Variants in SEM1 observed in about 807,000 individuals in gnomAD.
SEM1 encodes SEM1 26S proteasome subunit.
A neutral mutation model predicts 12.7 loss-of-function variants in SEM1; 3 were observed. The ratio of observed to expected loss-of-function variants is 0.24; its 90% CI spans 0.11 to 0.61. The LOEUF (loss-of-function observed/expected upper bound fraction) is 0.61, where lower values mean the gene tolerates loss of function less well. Ranked by LOEUF, SEM1 falls within the 20% of genes least tolerant of loss-of-function variation. SEM1 has a pLI of 0.88. For synonymous variants in SEM1, 30 were observed against 27.8 expected, an observed-to-expected ratio of 1.08 and a Z score of -0.25; for missense variants, 59 against 81.3, an observed-to-expected ratio of 0.73 and a Z score of 1.06.
intron 2 of SEM1, among the ~76,000 whole-genome samples, chr7:96,654,562 A>C (rs1809116491): frequency 6.6e-6 from 1 of 152,192 alleles, no homozygotes; most frequent in Non-Finnish European, 1.5e-5. Context: ...CAGCCATGCC[A>C]TCAGGAGGGT....
chr7:96,524,209 C>T (rs913782686), intron 2 of SEM1, among the ~76,000 whole-genome samples: 2 of 152,160 alleles, frequency 1.3e-5, no homozygotes, highest in Non-Finnish European at 2.9e-5. Context: ...TCTACATCCG[C>T]CATTTCATAC....
At position 96,688,826 on chromosome 7, in the gene SEM1, G is replaced by A; in HGVS notation, c.*98C>T. On this transcript the variant is annotated 3_prime_UTR_variant, in exon 3 of 3. Coordinates refer to ENST00000248566, the MANE Select transcript of SEM1 (RefSeq NM_006304.2). ...ACACAAATAAATCCAAGCAGATAAT[G>A]AAATAAACACATTTTTTTAGTGTCC... is the stretch of plus-strand genomic sequence containing the variant. 1.4e-6 allele frequency: 1 copy of A among 725,652 alleles called. No homozygotes were observed. Among genetic ancestry groups the A allele is most frequent in the Non-Finnish European group, 2.4e-6 (1 of 412,846 alleles). The allele number at this position is 725,652 out of a possible 1,614,324, so 45.0% of individuals were successfully genotyped here. A position where few individuals can be genotyped will look rare whatever the true frequency, so the allele number is the denominator to read the frequency against.
intron 2 of SEM1, among the ~76,000 whole-genome samples, chr7:96,520,825 C>T (rs1039031024): frequency 5.9e-5 from 9 of 152,104 alleles, no homozygotes; most frequent in Admixed American, 5.9e-4. Flanking sequence ...CTCCCCGATG[C>T]CCAGGCTCTC....
intron 2 of SEM1, among the ~76,000 whole-genome samples, chr7:96,632,357 TG>T (rs942740889): frequency 1.6e-4 from 24 of 152,008 alleles, no homozygotes; most frequent in African/African-American, 5.8e-4. Flanking sequence ...ATATACACCA[TG>T]GAATACTATG....
At chr7:96,698,511 C>A (rs537563382) in intron 1 of SEM1, among the ~76,000 whole-genome samples, 3 of 152,164 alleles carry the variant, frequency 2.0e-5, no homozygotes, top group East Asian at 1.9e-4. Context: ...TGAGAACATG[C>A]GGTGTTAGGT....
At chr7:96,608,933 T>C (rs1185059764) in intron 2 of SEM1, among the ~76,000 whole-genome samples, 4 of 152,238 alleles carry the variant, frequency 2.6e-5, no homozygotes, top group Admixed American at 6.5e-5. Flanking sequence ...CTTGGGTATA[T>C]ACCTAAGACT....
chr7:96,656,828 T>A (rs908696555), intron 2 of SEM1, among the ~76,000 whole-genome samples: 1 of 148,002 alleles, frequency 6.8e-6, no homozygotes, highest in Non-Finnish European at 1.5e-5. Context: ...AGTTGAAGAG[T>A]GCATGTTAAA....
chr7:96,693,823 G>C (rs1402286401), intron 2 of SEM1, among the ~76,000 whole-genome samples: 1 of 148,128 alleles, frequency 6.8e-6, no homozygotes, highest in African/African-American at 2.5e-5. Flanking sequence ...CTTTTCAAAA[G>C]AATTGAAAAC....
chr7:96,510,608 A>G (rs554173868), intron 2 of SEM1, among the ~76,000 whole-genome samples: 1 of 152,180 alleles, frequency 6.6e-6, no homozygotes, highest in Non-Finnish European at 1.5e-5. Flanking sequence ...AACCTAATCT[A>G]TCTCAAAAGA....
At chr7:96,528,954 C>CA (rs762337597) in intron 2 of SEM1, among the ~76,000 whole-genome samples, 18 of 152,200 alleles carry the variant, frequency 1.2e-4, no homozygotes, top group South Asian at 1.0e-3. Context: ...AAATTTAATG[C>CA]AATTTACCCA....
At chr7:96,483,477 C>T in exon 4 of SEM1, 1 of 234,274 alleles carries the variant, frequency 4.3e-6, no homozygotes, top group South Asian at 5.4e-5. Context: ...TAGCAACAAA[C>T]CATCAAACCT....
chr7:96,531,801 T>A (rs1240084936), intron 2 of SEM1, among the ~76,000 whole-genome samples: 1 of 152,076 alleles, frequency 6.6e-6, no homozygotes, highest in Non-Finnish European at 1.5e-5. Flanking sequence ...ATTTCAGAAT[T>A]TCTATGTGCA....
intron 2 of SEM1, chr7:96,649,359 T>C (rs1235121631): frequency 6.6e-6 from 1 of 151,814 alleles, no homozygotes; most frequent in Non-Finnish European, 1.5e-5. Context: ...TCCAAAAAAA[T>C]ATTCTGTGGT....
upstream of SEM1, chr7:96,496,421 A>G: frequency 1.5e-6 from 1 of 652,462 alleles, no homozygotes; most frequent in East Asian, 2.8e-5. Context: ...AAAATAATCT[A>G]AATCTTTATA....
At chr7:96,589,214 G>T (rs1563074572) in intron 2 of SEM1, among the ~76,000 whole-genome samples, 1 of 152,142 alleles carries the variant, frequency 6.6e-6, no homozygotes, top group East Asian at 1.9e-4. Flanking sequence ...TTTAGGGTGG[G>T]GTGACTCATT....
At chr7:96,612,263 A>T (rs535055915) in intron 2 of SEM1, among the ~76,000 whole-genome samples, 318 of 152,314 alleles carry the variant, frequency 2.1e-3, no homozygotes, top group Non-Finnish European at 3.6e-3. Context: ...TGCTCCAAGG[A>T]AATGGTAAAT....
At chr7:96,660,396 G>T (rs1486777058) in intron 2 of SEM1, among the ~76,000 whole-genome samples, 12 of 152,066 alleles carry the variant, frequency 7.9e-5, no homozygotes, top group Non-Finnish European at 1.3e-4. Context: ...AGGTCAAAGA[G>T]ATTTTTAAAA....
intron 2 of SEM1, among the ~76,000 whole-genome samples, chr7:96,536,668 C>G (rs548521840): frequency 6.6e-6 from 1 of 151,692 alleles, no homozygotes; most frequent in African/African-American, 2.4e-5. Flanking sequence ...TGATGTAATG[C>G]TCCTCTTTGT....
chr7:96,549,371 T>TGACA (rs2115831449), intron 2 of SEM1, among the ~76,000 whole-genome samples: 1 of 152,328 alleles, frequency 6.6e-6, no homozygotes, highest in African/African-American at 2.4e-5. Context: ...TTGGGGCCTT[T>TGACA]GACAGACATT....
Sources: allele counts gnomAD v4.1 joint callset (sites outside exome capture counted in the v4.1 genomes callset), GRCh38; gene constraint gnomAD v4.1.1; transcripts MANE v1.5; gene names NCBI Gene and HGNC (gene_info 2026-07-23, HGNC 2026-07-21).